The following MTHFD2L variants were observed in gnomAD, a reference collection of about 807,000 sequenced individuals.
MTHFD2L encodes the protein methylenetetrahydrofolate dehydrogenase (NADP+ dependent) 2 like.
Under a neutral mutation model 34.9 loss-of-function variants are expected in MTHFD2L, and 29 were observed. The ratio of observed to expected loss-of-function variants is 0.83; its 90% CI spans 0.62 to 1.13. MTHFD2L has a LOEUF of 1.13. Ranked by LOEUF, MTHFD2L falls within the 50% of genes most tolerant of loss-of-function variation. The probability of loss-of-function intolerance (pLI) is 0.00; values close to 1 mark genes in which losing one functional copy is unlikely to be tolerated. For missense variants in MTHFD2L, 481 were observed against 446.5 expected, an observed-to-expected ratio of 1.08 and a Z score of -0.70; for synonymous variants, 167 against 155.7, an observed-to-expected ratio of 1.07 and a Z score of -0.54.
intron 7 of MTHFD2L, among the ~76,000 whole-genome samples, chr4:74,295,630 A>G (rs1260230584): frequency 1.3e-5 from 2 of 152,174 alleles, no homozygotes; most frequent in African/African-American, 4.8e-5. Context: ...AAATACTTTA[A>G]TCATTTCTTT....
chr4:74,219,687 G>A (rs563986905), intron 5 of MTHFD2L, among the ~76,000 whole-genome samples: 1 of 152,200 alleles, frequency 6.6e-6, no homozygotes, highest in East Asian at 1.9e-4. Context: ...AGAGTCTGAG[G>A]CATTATTTGA....
intron 7 of MTHFD2L, among the ~76,000 whole-genome samples, chr4:74,299,830 G>C (rs1326980447): frequency 6.6e-6 from 1 of 152,018 alleles, no homozygotes; most frequent in Non-Finnish European, 1.5e-5. Flanking sequence ...ACAGTGCACA[G>C]TGTCTTAAGT....
intron 7 of MTHFD2L, among the ~76,000 whole-genome samples, chr4:74,293,979 T>C (rs1031758648): frequency 6.6e-6 from 1 of 152,126 alleles, no homozygotes; most frequent in African/African-American, 2.4e-5. Context: ...TCTGCTGCCT[T>C]GCCACAGATA....
chr4:74,130,049 C>G (rs1288142315), intron 1 of MTHFD2L, among the ~76,000 whole-genome samples: 1 of 152,110 alleles, frequency 6.6e-6, no homozygotes, highest in Non-Finnish European at 1.5e-5. Context: ...GAAGTCGAAT[C>G]CCTGAATAGA....
intron 3 of MTHFD2L, among the ~76,000 whole-genome samples, chr4:74,179,536 A>G (rs1230059047): frequency 6.6e-6 from 1 of 152,088 alleles, no homozygotes; most frequent in African/African-American, 2.4e-5. Flanking sequence ...ATATTATTCA[A>G]ATATGGGTAT....
At chr4:74,255,744 T>A (rs1357925888) in intron 6 of MTHFD2L, among the ~76,000 whole-genome samples, 2 of 152,212 alleles carry the variant, frequency 1.3e-5, no homozygotes, top group Non-Finnish European at 2.9e-5. Flanking sequence ...AATAAGAACA[T>A]GTGGTATTTG....
chr4:74,277,535 T>C (rs376386941), intron 6 of MTHFD2L, among the ~76,000 whole-genome samples: 11 of 152,174 alleles, frequency 7.2e-5, no homozygotes, highest in African/African-American at 2.6e-4. Flanking sequence ...GGATTTGTCC[T>C]CCTACAACTA....
intron 3 of MTHFD2L, among the ~76,000 whole-genome samples, chr4:74,177,319 T>C (rs779109802): frequency 6.6e-6 from 1 of 152,026 alleles, no homozygotes; most frequent in Non-Finnish European, 1.5e-5. Context: ...GTTGGTACTG[T>C]ATTTATCAAG....
chr4:74,233,248 T>C (rs1740351034), intron 6 of MTHFD2L, among the ~76,000 whole-genome samples: 1 of 152,138 alleles, frequency 6.6e-6, no homozygotes, highest in Non-Finnish European at 1.5e-5. Flanking sequence ...TAGATCCTTA[T>C]CTTTCCACAA....
chr4:74,288,052 G>A (rs1223646184), intron 7 of MTHFD2L, among the ~76,000 whole-genome samples: 1 of 152,150 alleles, frequency 6.6e-6, no homozygotes, highest in East Asian at 1.9e-4. Context: ...ACCTCTGTAT[G>A]TGTCCATGTC....
intron 6 of MTHFD2L, among the ~76,000 whole-genome samples, chr4:74,266,569 G>A (rs16850798): frequency 0.033 from 5,092 of 152,190 alleles, 269 homozygotes; most frequent in African/African-American, 0.11. Context: ...ACACAGCCCA[G>A]GGAGCATTGA....
chr4:74,117,579 A>T (rs1721676811), intron 2 of MTHFD2L, among the ~76,000 whole-genome samples: 1 of 152,198 alleles, frequency 6.6e-6, no homozygotes, highest in Non-Finnish European at 1.5e-5. Context: ...TATATGCAGG[A>T]TCTATATATA....
intron 6 of MTHFD2L, among the ~76,000 whole-genome samples, chr4:74,233,586 A>T (rs1465023958): frequency 6.6e-6 from 1 of 152,036 alleles, no homozygotes; most frequent in African/African-American, 2.4e-5. Flanking sequence ...CATGTTTTAA[A>T]TGAAAATATA....
At chr4:74,216,260 A>G (rs1411617464) in intron 5 of MTHFD2L, among the ~76,000 whole-genome samples, 2 of 151,808 alleles carry the variant, frequency 1.3e-5, no homozygotes, top group African/African-American at 4.9e-5. Context: ...TTTCTGGGAC[A>G]TTCTTTTCCT....
At chr4:74,164,523 G>C (rs1368463861) in intron 1 of MTHFD2L, among the ~76,000 whole-genome samples, 2 of 152,192 alleles carry the variant, frequency 1.3e-5, no homozygotes, top group African/African-American at 2.4e-5. Context: ...TAATGTTTCT[G>C]GTTATCGAAA....
At chr4:74,130,994 A>G (rs1291731692) in intron 1 of MTHFD2L, among the ~76,000 whole-genome samples, 1 of 152,138 alleles carries the variant, frequency 6.6e-6, no homozygotes, top group East Asian at 1.9e-4. Flanking sequence ...CACAATTGCT[A>G]CAAAAAGAAT....
chr4:74,225,500 T>C (rs1560506796), intron 6 of MTHFD2L, 106 bp downstream of exon 6: 4 of 810,872 alleles, frequency 4.9e-6, no homozygotes, highest in Non-Finnish European at 8.3e-6. Context: ...GCTTTATGTA[T>C]GACTAACTTC....
intron 7 of MTHFD2L, among the ~76,000 whole-genome samples, 199 bp from the exon 8 acceptor site, chr4:74,301,495 TATC>T (rs1036573095): frequency 2.6e-5 from 4 of 151,802 alleles, no homozygotes; most frequent in Non-Finnish European, 2.9e-5. Context: ...CCACCTTAGA[TATC>T]ATCCACAGAA....
At chr4:74,262,287 TG>T (rs1334193131) in intron 6 of MTHFD2L, among the ~76,000 whole-genome samples, 1 of 151,838 alleles carries the variant, frequency 6.6e-6, no homozygotes, top group Non-Finnish European at 1.5e-5. Context: ...TAAAAATTAT[TG>T]GAGAACTTAA....
Sources: gnomAD v4.1 joint callset for allele counts (sites outside exome capture counted in the v4.1 genomes callset) on GRCh38, gnomAD v4.1.1 for gene constraint, MANE v1.5 for transcripts, NCBI Gene and HGNC (gene_info 2026-07-23, HGNC 2026-07-21) for gene names.